PLPPR1: variants seen among roughly 807,000 people sequenced by gnomAD.
PLPPR1 encodes phospholipid phosphatase-related protein type 1.
PLPPR1 carries 10 observed loss-of-function variants against 33.1 expected under a neutral mutation model. The ratio of observed to expected loss-of-function variants is 0.30; its 90% CI spans 0.19 to 0.51. PLPPR1 has a LOEUF of 0.51. PLPPR1 is among the 20% of genes least tolerant of loss of function. The pLI is 0.97. For synonymous variants in PLPPR1, 151 were observed against 151.0 expected (o/e 1.00, Z 0.00); for missense variants, 304 against 408.1 (o/e 0.74, Z 2.20).
At chr9:101,043,650 G>A (rs749832175) in intron 1 of PLPPR1, among the ~76,000 whole-genome samples, 28 of 151,928 alleles carry the variant, frequency 1.8e-4, no homozygotes, top group Non-Finnish European at 3.4e-4. Flanking sequence ...TTTCCTCTGG[G>A]TAGATACCCA....
At chr9:101,318,526 C>T (rs1379694416) in intron 7 of PLPPR1, among the ~76,000 whole-genome samples, 1 of 152,166 alleles carries the variant, frequency 6.6e-6, no homozygotes, top group Non-Finnish European at 1.5e-5. Context: ...AATCCCAGCA[C>T]ATTGGGAGGC....
intron 2 of PLPPR1, among the ~76,000 whole-genome samples, chr9:101,218,053 A>G (rs1243080595): frequency 6.6e-6 from 1 of 152,184 alleles, no homozygotes; most frequent in African/African-American, 2.4e-5. Flanking sequence ...TATATACATG[A>G]CTAGATTCTT....
At chr9:101,046,266 C>A (rs976065098) in intron 1 of PLPPR1, among the ~76,000 whole-genome samples, 5 of 151,946 alleles carry the variant, frequency 3.3e-5, no homozygotes, top group African/African-American at 1.2e-4. Context: ...ACTCTTCTGG[C>A]CATTTTAGAC....
intron 4 of PLPPR1, among the ~76,000 whole-genome samples, chr9:101,296,717 A>G (rs1384499263): frequency 6.6e-6 from 1 of 151,934 alleles, no homozygotes; most frequent in Non-Finnish European, 1.5e-5. Flanking sequence ...AACACCGTAT[A>G]TTTTCACTCA....
At chr9:101,202,433 C>T (rs1191469188) in intron 2 of PLPPR1, among the ~76,000 whole-genome samples, 1 of 152,166 alleles carries the variant, frequency 6.6e-6, no homozygotes, top group Non-Finnish European at 1.5e-5. Context: ...GTTATCCCTC[C>T]CTGGCCTCAA....
At chr9:101,202,321 T>C (rs1402354409) in intron 2 of PLPPR1, among the ~76,000 whole-genome samples, 1 of 152,216 alleles carries the variant, frequency 6.6e-6, no homozygotes, top group African/African-American at 2.4e-5. Context: ...ACTGTGGGAA[T>C]CCTTTATTTG....
At chr9:101,167,345 C>G (rs565384484) in intron 1 of PLPPR1, among the ~76,000 whole-genome samples, 1 of 150,856 alleles carries the variant, frequency 6.6e-6, no homozygotes, top group Admixed American at 6.6e-5. Flanking sequence ...TCACAGCCTC[C>G]CCACTGCTCA....
intron 1 of PLPPR1, among the ~76,000 whole-genome samples, chr9:101,150,365 T>C (rs1265042316): frequency 1.3e-5 from 2 of 152,200 alleles, no homozygotes; most frequent in Non-Finnish European, 2.9e-5. Flanking sequence ...TTTAGTTTTG[T>C]AGTTTTATGC....
intron 1 of PLPPR1, among the ~76,000 whole-genome samples, chr9:101,153,268 G>A (rs1296552915): frequency 6.6e-6 from 1 of 152,192 alleles, no homozygotes; most frequent in African/African-American, 2.4e-5. Context: ...TGCTGAAGTT[G>A]CTTATCAGCT....
rs751202171 is a variant in PLPPR1 at position 101,309,191 on chromosome 9, G to T, written c.386-20G>T. On this transcript the variant is annotated intron_variant, in intron 4 of 7. Coordinates refer to ENST00000374874, the MANE Select transcript of PLPPR1 (RefSeq NM_207299.2). ...GACAGAGTATGTTACCATTCCTAAT[G>T]ATTTTAAATCTTCTTATAGGGGTGT... 5 of 1,613,654 alleles carry T rather than the reference G, an allele frequency of 3.1e-6. No individual in the cohort carries two copies. The highest frequency in any genetic ancestry group is 3.4e-6 in the Non-Finnish European group (4 of 1,179,752).
intron 1 of PLPPR1, among the ~76,000 whole-genome samples, chr9:101,047,047 G>A (rs990943723): frequency 6.6e-6 from 1 of 152,056 alleles, no homozygotes; most frequent in East Asian, 1.9e-4. Flanking sequence ...TTCTCATAAT[G>A]AACACGCAGC....
chr9:101,037,210 C>T (rs1368259421), intron 1 of PLPPR1, among the ~76,000 whole-genome samples: 2 of 152,042 alleles, frequency 1.3e-5, no homozygotes, highest in Non-Finnish European at 2.9e-5. Flanking sequence ...GAACTGCATA[C>T]ACATAAGAAA....
chr9:101,129,542 A>AT (rs1338609255), intron 1 of PLPPR1, among the ~76,000 whole-genome samples: 6 of 152,158 alleles, frequency 3.9e-5, no homozygotes, highest in Non-Finnish European at 8.8e-5. Context: ...ATAAAAAAAA[A>AT]GGGAAAAAGC....
At chr9:101,053,102 T>C (rs1830243433) in intron 1 of PLPPR1, among the ~76,000 whole-genome samples, 1 of 152,194 alleles carries the variant, frequency 6.6e-6, no homozygotes, top group Non-Finnish European at 1.5e-5. Context: ...AATAGCCTGA[T>C]GACATCTCAA....
At chr9:101,299,404 C>T (rs2000165) in intron 4 of PLPPR1, among the ~76,000 whole-genome samples, 20,941 of 152,094 alleles carry the variant, frequency 0.14, 2,027 homozygotes, top group African/African-American at 0.27. Context: ...GCCTAGAAGG[C>T]GTAGCCAGGG....
chr9:101,160,939 C>T (rs1195082003), intron 1 of PLPPR1, among the ~76,000 whole-genome samples: 2 of 151,956 alleles, frequency 1.3e-5, no homozygotes, highest in African/African-American at 4.8e-5. Flanking sequence ...AACATTATAC[C>T]CCTTCAGCTA....
intron 1 of PLPPR1, among the ~76,000 whole-genome samples, chr9:101,098,377 C>T (rs1830848295): frequency 6.6e-6 from 1 of 152,020 alleles, no homozygotes; most frequent in African/African-American, 2.4e-5. Context: ...TGATATCAGA[C>T]ACAGTCAATC....
chr9:101,158,992 T>C (rs976947337), intron 1 of PLPPR1, among the ~76,000 whole-genome samples: 2 of 152,198 alleles, frequency 1.3e-5, no homozygotes, highest in African/African-American at 4.8e-5. Context: ...GTGTGCTTAT[T>C]GCTAAATTCA....
At chr9:101,286,316 T>C (rs1828394061) in intron 4 of PLPPR1, 80 bp downstream of exon 4, 9 of 1,344,528 alleles carry the variant, frequency 6.7e-6, no homozygotes, top group Non-Finnish European at 7.1e-6. Flanking sequence ...AAATAAACTA[T>C]GGAAGTATCA....
Sources: allele counts gnomAD v4.1 joint callset (sites outside exome capture counted in the v4.1 genomes callset), GRCh38; gene constraint gnomAD v4.1.1; transcripts MANE v1.5; gene names NCBI Gene and HGNC (gene_info 2026-07-23, HGNC 2026-07-21).